Variants in RASL12 observed in about 807,000 individuals in gnomAD.
RASL12 encodes the protein RAS like family 12.
RASL12 carries 16 observed loss-of-function variants against 22.9 expected under a neutral mutation model. That is an observed-to-expected ratio of 0.70 (90% CI 0.47 to 1.06). RASL12 has a LOEUF of 1.06. Ranked by LOEUF, RASL12 falls within the 50% of genes least tolerant of loss-of-function variation. The pLI, the probability that RASL12 is intolerant of heterozygous loss-of-function variation, is 0.00. For synonymous variants in RASL12, 159 were observed against 152.2 expected (o/e 1.04, Z -0.33); for missense variants, 306 against 353.1 (o/e 0.87, Z 1.07).
chr15:65,067,744 G>A lies in RASL12; in HGVS notation c.92C>T (p.Ala31Val). ...VNLAILGRRG[A>V]GKSALTVKFL... is the part of the protein sequence containing the mutation. ...CCGGCGCCACTCACCAGACTTGCCA[G>A]CCCCGCGGCGCCCCAGGATGGCCAG... Residue 31 changes from alanine (A) to valine (V), a missense_variant, in exon 1 of 5, where the codon GCT becomes GTT. Transcript: ENST00000220062. 6.4e-7 allele frequency: 1 copy of A among 1,566,370 alleles called. No individual in the cohort carries two copies. The highest frequency in any genetic ancestry group is 1.2e-5 in the South Asian group (1 of 86,024).
In RASL12 at chr15:65,067,876, G is replaced by A. The variant is rs1170138841; in HGVS notation, c.-41C>T. The A allele has an allele frequency of 2.8e-6, 4 of 1,405,186 alleles. No homozygotes were observed. The Admixed American group carries it at 1.4e-4, about 48-fold the overall frequency. 87.0% of individuals were successfully genotyped at this position (1,405,186 alleles called of 1,614,324 possible). On this transcript the variant is annotated 5_prime_UTR_variant, in exon 1 of 5. Coordinates refer to ENST00000220062, the MANE Select transcript of RASL12 (RefSeq NM_016563.4). ...GGCCACGCAGGTCTGCGGCCGGTGG[G>A]CCCCGCGCAGTGCGCCCGCCCGTCG...
At position 65,054,902 on chromosome 15, in the gene RASL12, GA is replaced by G. The variant is rs1389137906; in HGVS notation, c.797del (p.Phe266SerfsTer85). ...TLTLLKGFKI[F>X] ...TAGGCTTCCTGGGGAGGGGGCCTCA[GA>G]AGATCTTGAAGCCCTTCAGGAGAGT... is the stretch of plus-strand genomic sequence containing the variant. On this transcript the variant is annotated frameshift_variant, in exon 5 of 5. Coordinates refer to ENST00000220062, the MANE Select transcript of RASL12 (RefSeq NM_016563.4). LOFTEE classifies it high-confidence loss of function. 1 of 1,607,850 alleles carries G rather than the reference GA, an allele frequency of 6.2e-7. No homozygotes were observed. Among genetic ancestry groups the G allele is most frequent in the East Asian group, 2.2e-5 (1 of 44,746 alleles).
downstream of RASL12, among the ~76,000 whole-genome samples, chr15:65,050,838 T>TC (rs2086643531): frequency 6.9e-6 from 1 of 144,792 alleles, no homozygotes; most frequent in South Asian, 2.3e-4. Context: ...TTCTTCTTCT[T>TC]TTTTTTTTTT....
intron 2 of RASL12, among the ~76,000 whole-genome samples, chr15:65,063,601 C>T (rs764437880): frequency 2.0e-5 from 3 of 152,172 alleles, no homozygotes; most frequent in Non-Finnish European, 4.4e-5. Flanking sequence ...AGCAGAGCTT[C>T]GAGGAACAAA....
intron 2 of RASL12, among the ~76,000 whole-genome samples, chr15:65,061,514 C>T (rs2086804507): frequency 6.6e-6 from 1 of 152,162 alleles, no homozygotes. Context: ...CTTTCCCAGT[C>T]ACAGTAATGT....
At chr15:65,072,839 C>T (rs2086940907), upstream of RASL12, among the ~76,000 whole-genome samples, 1 of 152,128 alleles carries the variant, frequency 6.6e-6, no homozygotes, top group Non-Finnish European at 1.5e-5. Context: ...AAGGTGACTG[C>T]CCAGCATTTG....
At chr15:65,059,275 C>T in intron 3 of RASL12, 70 bp downstream of exon 3, 1 of 1,400,302 alleles carries the variant, frequency 7.1e-7, no homozygotes, top group Admixed American at 1.7e-5. Context: ...AGGTCCCGCA[C>T]TCTGGGCCAG....
At chr15:65,045,646 A>G in the RASL12 span, 3 of 152,258 alleles carry the variant, frequency 2.0e-5, no homozygotes, top group Non-Finnish European at 2.9e-5. Context: ...TCACAGTCCA[A>G]TGGCACGATG....
chr15:65,050,140 C>A, downstream of RASL12: 2 of 1,499,606 alleles, frequency 1.3e-6, no homozygotes, highest in East Asian at 2.5e-5. Context: ...TGGGGGTGTG[C>A]CCCTCAACAC....
At chr15:65,060,378 C>A (rs1371262026) in intron 2 of RASL12, among the ~76,000 whole-genome samples, 1 of 152,210 alleles carries the variant, frequency 6.6e-6, no homozygotes, top group Non-Finnish European at 1.5e-5. Flanking sequence ...GTACTCTTCA[C>A]CCAGCTTCCC....
Position 65,054,597 on chromosome 15 carries a change from A to G in RASL12, c.*302T>C. 1 of 1,228,378 alleles carries G rather than the reference A, an allele frequency of 8.1e-7. No homozygotes were observed. The highest frequency in any genetic ancestry group is 1.0e-6 in the Non-Finnish European group (1 of 977,146). The allele number at this position is 1,228,378 out of a possible 1,614,324, so 76.1% of individuals were successfully genotyped here. A position where few individuals can be genotyped will look rare whatever the true frequency, so the allele number is the denominator to read the frequency against. On this transcript the variant is annotated 3_prime_UTR_variant, in exon 5 of 5. Transcript: ENST00000220062. ...AGCAGGAAGGGCTGATGGCAGCAGG[A>G]TAGACACTGCAATTTCTTCCTACTT...
At chr15:65,066,652 G>T (rs970942797) in intron 1 of RASL12, among the ~76,000 whole-genome samples, 1 of 152,128 alleles carries the variant, frequency 6.6e-6, no homozygotes, top group African/African-American at 2.4e-5. Context: ...CTGGCTAAAC[G>T]GTACCGGTTA....
chr15:65,060,211 C>G lies in RASL12; in HGVS notation c.161-793G>C, dbSNP rs1047233844. On this transcript the variant is annotated intron_variant, in intron 2 of 4. Coordinates refer to ENST00000220062, the MANE Select transcript of RASL12 (RefSeq NM_016563.4). The stretch of plus-strand genomic sequence containing the variant: ...GTAAGAACTGGATGGGCCCCCCAGG[C>G]ATGGGGCCTGGCTCACCATACATGC... Among the ~76,000 whole-genome samples the G allele has an allele frequency of 1.3e-5, 2 of 152,222 alleles. 1 individual carries two copies. Among genetic ancestry groups the G allele is most frequent in the African/African-American group, 4.8e-5 (2 of 41,452 alleles).
chr15:65,052,547 C>G (rs546006932), downstream of RASL12, among the ~76,000 whole-genome samples: 2 of 152,066 alleles, frequency 1.3e-5, no homozygotes, highest in East Asian at 3.9e-4. Flanking sequence ...ATTACAGGCA[C>G]AACCACACCC....
chr15:65,057,993 C>T (rs186799603), intron 4 of RASL12, among the ~76,000 whole-genome samples: 7 of 152,182 alleles, frequency 4.6e-5, no homozygotes, highest in East Asian at 3.9e-4. Context: ...TCCCTGTGGT[C>T]GGGCACGGTG....
chr15:65,067,867 G>C lies in RASL12; in HGVS notation c.-32C>G, dbSNP rs777530226. 3 of 1,448,412 alleles carry C rather than the reference G, an allele frequency of 2.1e-6. No homozygotes were observed. Among genetic ancestry groups the C allele is most frequent in the Non-Finnish European group, 2.7e-6 (3 of 1,106,536 alleles). 89.7% of individuals were successfully genotyped at this position (1,448,412 alleles called of 1,614,324 possible). Reference sequence around the variant, plus strand: ...GCCCTGGACGGCCACGCAGGTCTGCGGCCGGTGGGCCCCGCGCAGTGCGCC... The same window carrying C: ...GCCCTGGACGGCCACGCAGGTCTGCCGCCGGTGGGCCCCGCGCAGTGCGCC... On this transcript the variant is annotated 5_prime_UTR_variant, in exon 1 of 5. Coordinates refer to ENST00000220062, the MANE Select transcript of RASL12 (RefSeq NM_016563.4).
At chr15:65,049,706 T>C (rs2919351), downstream of RASL12, 4,396 of 242,900 alleles carry the variant, frequency 0.018, 165 homozygotes, top group African/African-American at 0.074. Context: ...CCTCCACACA[T>C]GCGATGGCTT....
chr15:65,061,669 T>C (rs1443647258), intron 2 of RASL12, among the ~76,000 whole-genome samples: 1 of 152,192 alleles, frequency 6.6e-6, no homozygotes, highest in Non-Finnish European at 1.5e-5. Context: ...AATTTGCCGA[T>C]GTTTTCCTCT....
intron 1 of RASL12, among the ~76,000 whole-genome samples, chr15:65,073,720 C>T (rs1198316617): frequency 6.6e-6 from 1 of 152,146 alleles, no homozygotes; most frequent in Non-Finnish European, 1.5e-5. Context: ...GTGCTTCAGT[C>T]TCTTCATATA....
Sources: gnomAD v4.1 joint callset for allele counts (sites outside exome capture counted in the v4.1 genomes callset) on GRCh38, gnomAD v4.1.1 for gene constraint, MANE v1.5 for transcripts, NCBI Gene and HGNC (gene_info 2026-07-23, HGNC 2026-07-21) for gene names.